DST: variants seen among roughly 807,000 people sequenced by gnomAD.
The protein encoded by DST is dystonin, also known as bullous pemphigoid antigen.
Under a neutral mutation model 875.2 loss-of-function variants are expected in DST, and 253 were observed. The ratio of observed to expected loss-of-function variants is 0.29; its 90% confidence interval spans 0.26 to 0.32. The LOEUF (loss-of-function observed/expected upper bound fraction) is 0.32, where lower values mean the gene tolerates loss of function less well. Ranked by LOEUF, DST falls within the 10% of genes least tolerant of loss-of-function variation. The pLI, the probability that DST is intolerant of heterozygous loss-of-function variation, is 1.00. For missense variants in DST, 8,287 were observed against 9,111.6 expected (o/e 0.91, Z 3.68); for synonymous variants, 3,124 against 3,197.1 (o/e 0.98, Z 0.77).
intron 2 of DST, among the ~76,000 whole-genome samples, chr6:56,947,391 C>T (rs1423340597): frequency 6.6e-6 from 1 of 152,084 alleles, no homozygotes; most frequent in Non-Finnish European, 1.5e-5. Flanking sequence ...GCTAGGACTA[C>T]AGGCGTGCGC....
At chr6:56,637,997 A>C (rs1324327111) in intron 22 of DST, among the ~76,000 whole-genome samples, 1 of 152,206 alleles carries the variant, frequency 6.6e-6, no homozygotes. Flanking sequence ...AATATGAAAC[A>C]GTATTGATAA....
chr6:56,476,037 C>T (rs1338486512), intron 92 of DST, 112 bp downstream of exon 92: 4 of 970,848 alleles, frequency 4.1e-6, no homozygotes, highest in Non-Finnish European at 4.4e-6. Context: ...GCTGAGGAGT[C>T]TGAAGAAGTG....
intron 39 of DST, 76 bp downstream of exon 39, chr6:56,610,351 T>G: frequency 8.8e-7 from 1 of 1,130,926 alleles, no homozygotes. Context: ...TTCTTTATTA[T>G]TGACATAGAT....
Position 56,608,164 on chromosome 6 carries a change from GC to G in DST, c.6463del (p.Ala2155LeufsTer51). ...DKMPDLGDLE[A>X]CKNARRWLSF... ...GAGCCATCTTCTGGCATTTTTACAA[GC>G]TTCTAAATCTCCTAAATCTGGCATT... On this transcript the variant is annotated frameshift_variant, in exon 40 of 104. Coordinates refer to ENST00000680361, the MANE Select transcript of DST (RefSeq NM_001374736.1). LOFTEE classifies it high-confidence loss of function. 6.2e-7 allele frequency: 1 copy of G among 1,613,644 alleles called. No homozygotes were observed. Among genetic ancestry groups the G allele is most frequent in the Non-Finnish European group, 8.5e-7 (1 of 1,179,724 alleles).
rs1305038263 is a variant in DST, at chr6:56,900,587, C to T, written c.251G>A (p.Arg84Gln). The T allele has an allele frequency of 2.2e-6, 3 of 1,367,650 alleles. No individual in the cohort carries two copies. The highest frequency in any genetic ancestry group is 1.1e-5 in the South Asian group (1 of 88,054). The allele number at this position is 1,367,650 out of a possible 1,614,324, so 84.7% of individuals were successfully genotyped here. The part of the protein sequence containing the change: ...FRASPRHLRR[R>Q]VAAAAAARLE... ...ACGGGCAGCTGCGGCCGCTGCAACT[C>T]GTCTTCTAAGATGCCGAGGGCTTGC... Residue 84 changes from arginine (R) to glutamine (Q), a missense_variant, in exon 3 of 104, where the codon CGA becomes CAA. Arg to Gln is a conservative substitution (Grantham distance 43, BLOSUM62 1). Transcript: ENST00000680361.
chr6:56,863,629 G>A (rs770953385), intron 3 of DST, among the ~76,000 whole-genome samples: 97 of 152,122 alleles, frequency 6.4e-4, no homozygotes, highest in Non-Finnish European at 1.2e-3. Context: ...TTGCTTGGGT[G>A]TTTTTTCTCC....
intron 5 of DST, among the ~76,000 whole-genome samples, chr6:56,733,478 C>A (rs557135191): frequency 5.3e-4 from 80 of 152,244 alleles, no homozygotes; most frequent in African/African-American, 1.9e-3. Flanking sequence ...AACAATATGC[C>A]AAGTACTATG....
chr6:56,507,532 T>C (rs1002447681), intron 75 of DST, among the ~76,000 whole-genome samples: 4 of 152,210 alleles, frequency 2.6e-5, no homozygotes, highest in African/African-American at 7.2e-5. Flanking sequence ...CTGCTAAGTA[T>C]ACAAGAAAAG....
chr6:56,517,659 T>C (rs1192474618), intron 69 of DST, 39 bp from the exon 70 acceptor site: 2 of 1,580,196 alleles, frequency 1.3e-6, no homozygotes, highest in East Asian at 2.3e-5. Context: ...CACGTTCCCG[T>C]TCCTGATGCC....
At chr6:56,638,915 T>G in intron 22 of DST, 1 of 345,264 alleles carries the variant, frequency 2.9e-6, no homozygotes. Flanking sequence ...CTCCCATTCT[T>G]GGTAGGAAAA....
chr6:56,865,768 A>T (rs953158026), intron 3 of DST, among the ~76,000 whole-genome samples: 14 of 152,086 alleles, frequency 9.2e-5, no homozygotes, highest in Non-Finnish European at 1.9e-4. Flanking sequence ...ATAATCTTTG[A>T]TGGGATCTGA....
chr6:56,758,068 T>G (rs946777554), intron 4 of DST, among the ~76,000 whole-genome samples: 2 of 152,152 alleles, frequency 1.3e-5, no homozygotes, highest in Non-Finnish European at 2.9e-5. Flanking sequence ...AGTAAAGAAC[T>G]TGGTATAATC....
intron 9 of DST, among the ~76,000 whole-genome samples, chr6:56,685,590 G>A (rs1036028041): frequency 3.9e-5 from 6 of 152,010 alleles, no homozygotes; most frequent in African/African-American, 9.7e-5. Flanking sequence ...TGGCCAACAC[G>A]GTGAAACCTC....
chr6:56,939,815 A>T (rs1399891738), intron 2 of DST, among the ~76,000 whole-genome samples: 1 of 152,138 alleles, frequency 6.6e-6, no homozygotes, highest in African/African-American at 2.4e-5. Context: ...ACTTGAGGTC[A>T]GGAGTTCAAG....
In DST at chr6:56,634,946, T is replaced by A. The variant is rs774758491; in HGVS notation, c.3194A>T (p.Lys1065Ile). 2 of 1,611,656 alleles carry A rather than the reference T, an allele frequency of 1.2e-6. No individual in the cohort carries two copies. Among genetic ancestry groups the A allele is most frequent in the Non-Finnish European group, 1.7e-6 (2 of 1,178,484 alleles). Residue 1065 changes from lysine (K) to isoleucine (I), a missense_variant, in exon 25 of 104, where the codon AAA (lysine) becomes ATA (isoleucine). Coordinates refer to ENST00000680361, the MANE Select transcript of DST (RefSeq NM_001374736.1). ...GCTTTTGTACTGCAGAAGTTCTTCT[T>A]TCTCTTCCTAAGTAATAAATACAGT... is the stretch of plus-strand genomic sequence containing the variant. ...EDLVQESMEE[K>I]EELLQYKSTI...
At chr6:56,723,093 C>T (rs1400557668) in intron 5 of DST, among the ~76,000 whole-genome samples, 1 of 152,204 alleles carries the variant, frequency 6.6e-6, no homozygotes, top group East Asian at 1.9e-4. Context: ...AAAATAGTTT[C>T]TTCAGGTATT....
intron 4 of DST, among the ~76,000 whole-genome samples, chr6:56,848,361 T>C (rs1371698452): frequency 6.6e-6 from 1 of 152,240 alleles, no homozygotes; most frequent in Non-Finnish European, 1.5e-5. Context: ...CTCTCAGCTC[T>C]TTTATTACTA....
Position 56,618,561 on chromosome 6 carries a change from A to G in DST, c.4930-4077T>C, listed in dbSNP as rs1417796189. On this transcript the variant is annotated intron_variant, in intron 36 of 103. Coordinates refer to ENST00000680361, the MANE Select transcript of DST (RefSeq NM_001374736.1). ...TCCTCAAGTTTCTGACATTTTTGGT[A>G]ATGATTTGCTTCCATGTGCTGCCCT... is the stretch of plus-strand genomic sequence containing the variant. 7 of 1,614,102 alleles carry G rather than the reference A, an allele frequency of 4.3e-6. 1 individual carries two copies. In the Middle Eastern group the frequency reaches 1.2e-3, roughly 266 times the overall value.
chr6:56,704,932 AC>A (rs1400117677), intron 5 of DST, among the ~76,000 whole-genome samples: 2 of 152,138 alleles, frequency 1.3e-5, no homozygotes, highest in African/African-American at 4.8e-5. Flanking sequence ...CTCTGTCCAA[AC>A]CCTTCCTCTG....
Sources: allele counts gnomAD v4.1 joint callset (sites outside exome capture counted in the v4.1 genomes callset), GRCh38; gene constraint gnomAD v4.1.1; transcripts MANE v1.5; gene names NCBI Gene and HGNC (gene_info 2026-07-23, HGNC 2026-07-21).